NR3C2: variants seen among roughly 807,000 people sequenced by gnomAD.
The protein encoded by NR3C2 is mineralocorticoid receptor.
Under a neutral mutation model 86.4 loss-of-function variants are expected in NR3C2, and 15 were observed. The ratio of observed to expected loss-of-function variants is 0.17; its 90% confidence interval spans 0.12 to 0.27. The LOEUF (loss-of-function observed/expected upper bound fraction) is 0.27. Ranked by LOEUF, NR3C2 falls within the 10% of genes least tolerant of loss-of-function variation. The pLI is 1.00. For missense variants in NR3C2, 960 were observed against 1,195.6 expected (o/e 0.80, Z 2.91); for synonymous variants, 458 against 450.5 (o/e 1.02, Z -0.21).
In NR3C2 at chr4:148,436,005, A is replaced by G. The variant is rs758611444; in HGVS notation, c.856T>C (p.Ser286Pro). The G allele has an allele frequency of 1.4e-5, 23 of 1,614,016 alleles. 1 individual carries two copies. In the South Asian group the frequency reaches 2.5e-4, roughly 18 times the overall value. ...CTCAGAGTGACATTATTGGGACTGG[A>G]GACTGGAGATTTTACACTGCAGTGA... ...PSHCSVKSPV[S>P]SPNNVTLRSS... Residue 286 changes from serine (S) to proline (P), a missense_variant, in exon 2 of 9, where the codon TCC becomes CCC. Ser to Pro is a moderately conservative substitution (Grantham distance 74, BLOSUM62 -1). This residue lies in a region of NR3C2 where 680 missense variants were observed against 719.0 expected (regional missense o/e 0.95). Coordinates refer to ENST00000358102, the MANE Select transcript of NR3C2 (RefSeq NM_000901.5).
At chr4:148,108,769 T>TAACTAACTAACTAAC (rs1731918025) in intron 8 of NR3C2, among the ~76,000 whole-genome samples, 1 of 152,194 alleles carries the variant, frequency 6.6e-6, no homozygotes, top group Admixed American at 6.5e-5. Context: ...TCAGCTCATG[T>TAACTAACTAACTAAC]TGAGGCCAAC....
intron 6 of NR3C2, among the ~76,000 whole-genome samples, chr4:148,144,270 T>G (rs1235695635): frequency 1.3e-5 from 2 of 152,140 alleles, no homozygotes; most frequent in African/African-American, 4.8e-5. Context: ...AGTGGTGCAA[T>G]CATGGCTCAC....
At chr4:148,126,582 T>C (rs1732757919) in intron 6 of NR3C2, among the ~76,000 whole-genome samples, 1 of 152,248 alleles carries the variant, frequency 6.6e-6, no homozygotes, top group Non-Finnish European at 1.5e-5. Context: ...TGTTATCAGA[T>C]GTGTTAACAA....
intron 3 of NR3C2, among the ~76,000 whole-genome samples, chr4:148,195,936 G>C (rs1293983517): frequency 6.6e-6 from 1 of 152,236 alleles, no homozygotes; most frequent in East Asian, 1.9e-4. Context: ...GAAGCCACTA[G>C]ACTAGAGGGC....
At chr4:148,243,502 G>A (rs968484371) in intron 3 of NR3C2, among the ~76,000 whole-genome samples, 1 of 152,082 alleles carries the variant, frequency 6.6e-6, no homozygotes, top group Non-Finnish European at 1.5e-5. Flanking sequence ...ATATGCTTTC[G>A]AGTTCCATTT....
intron 8 of NR3C2, among the ~76,000 whole-genome samples, chr4:148,099,406 G>A (rs1044193637): frequency 3.3e-5 from 5 of 152,180 alleles, no homozygotes; most frequent in Admixed American, 3.3e-4. Context: ...GGAGCCACCT[G>A]ATGGCTCCCT....
At chr4:148,418,866 CA>C (rs1406722078) in intron 2 of NR3C2, among the ~76,000 whole-genome samples, 1 of 152,164 alleles carries the variant, frequency 6.6e-6, no homozygotes, top group Non-Finnish European at 1.5e-5. Flanking sequence ...ATATGATGAG[CA>C]AGTGGAAGTA....
intron 8 of NR3C2, among the ~76,000 whole-genome samples, chr4:148,092,755 C>T (rs1731114838): frequency 6.6e-6 from 1 of 152,212 alleles, no homozygotes; most frequent in Non-Finnish European, 1.5e-5. Flanking sequence ...TTTAACATGA[C>T]TCCATCCGCG....
intron 4 of NR3C2, 76 bp from the exon 5 acceptor site, chr4:148,154,977 A>G (rs1463896410): frequency 3.4e-6 from 4 of 1,181,164 alleles, no homozygotes; most frequent in African/African-American, 3.0e-5. Flanking sequence ...GTTAAAGTAC[A>G]GTTTTCCTCT....
rs1414703445 is a variant in NR3C2 at position 148,079,567 on chromosome 4, C to G, written c.*1777G>C. On this transcript the variant is annotated 3_prime_UTR_variant, in exon 9 of 9. Coordinates refer to ENST00000358102, the MANE Select transcript of NR3C2 (RefSeq NM_000901.5). ...CATTTTTAAAAGATTAATTTGGCCT[C>G]TATTCAAAGTAGTTTATTTAGTGCA... The G allele has an allele frequency of 1.3e-5, 2 of 152,544 alleles. No individual in the cohort carries two copies. Among genetic ancestry groups the G allele is most frequent in the Non-Finnish European group, 1.5e-5 (1 of 68,022 alleles). The allele number at this position is 152,544 out of a possible 1,614,324, so 9.4% of individuals were successfully genotyped here.
intron 2 of NR3C2, among the ~76,000 whole-genome samples, chr4:148,281,142 T>C (rs962493448): frequency 1.3e-5 from 2 of 152,202 alleles, no homozygotes; most frequent in African/African-American, 4.8e-5. Flanking sequence ...CTCTCTGCTT[T>C]TTCTTTATCC....
chr4:148,150,952 T>C (rs1320281313), intron 6 of NR3C2, among the ~76,000 whole-genome samples: 2 of 152,152 alleles, frequency 1.3e-5, no homozygotes, highest in East Asian at 1.9e-4. Flanking sequence ...ATATTAAATA[T>C]ATAGAATAGG....
At chr4:148,155,475 A>C (rs1337583516) in intron 4 of NR3C2, among the ~76,000 whole-genome samples, 1 of 152,158 alleles carries the variant, frequency 6.6e-6, no homozygotes, top group African/African-American at 2.4e-5. Flanking sequence ...AATAACAGAC[A>C]AACAGAGAGC....
chr4:148,082,331 G>A (rs1174477383), intron 8 of NR3C2, among the ~76,000 whole-genome samples: 1 of 152,232 alleles, frequency 6.6e-6, no homozygotes, highest in African/African-American at 2.4e-5. Flanking sequence ...CAATGCACAA[G>A]GTGGGTGATT....
chr4:148,281,057 A>T (rs927501729), intron 2 of NR3C2, among the ~76,000 whole-genome samples: 11 of 152,186 alleles, frequency 7.2e-5, no homozygotes, highest in African/African-American at 2.4e-4. Flanking sequence ...TGAGAATTCC[A>T]CTTAGTGTCT....
At chr4:148,153,236 A>AG (rs1734187384) in intron 5 of NR3C2, among the ~76,000 whole-genome samples, 1 of 55,572 alleles carries the variant, frequency 1.8e-5, no homozygotes, top group South Asian at 4.3e-4. Context: ...CCCAGGCTGG[A>AG]GTTCAGTGAC....
chr4:148,243,391 AC>A (rs1739159350), intron 3 of NR3C2, among the ~76,000 whole-genome samples: 2 of 152,058 alleles, frequency 1.3e-5, no homozygotes, highest in South Asian at 4.1e-4. Context: ...CTCCACAAAG[AC>A]CACTAATATG....
rs1467270862 is a variant in NR3C2 at position 148,124,658 on chromosome 4, G to A, written c.2511-4370C>T. Among the ~76,000 whole-genome samples the A allele has an allele frequency of 3.9e-5, 6 of 152,190 alleles. No individual in the cohort carries two copies. In the East Asian group the frequency reaches 1.2e-3, roughly 29 times the overall value. The stretch of plus-strand genomic sequence containing the variant: ...CAGTTCTAAAATGTTTTTAGCCATT[G>A]TCCCTTCAAATATCACCCCATCCTG... On this transcript the variant is annotated intron_variant, in intron 6 of 8. Coordinates refer to ENST00000358102, the MANE Select transcript of NR3C2 (RefSeq NM_000901.5).
intron 2 of NR3C2, among the ~76,000 whole-genome samples, chr4:148,427,165 G>A (rs191054533): frequency 6.6e-6 from 1 of 152,018 alleles, no homozygotes; most frequent in East Asian, 1.9e-4. Context: ...ATGTTGGCCA[G>A]GCTGGTCTCA....
Sources: allele counts gnomAD v4.1 joint callset (sites outside exome capture counted in the v4.1 genomes callset), GRCh38; gene constraint gnomAD v4.1.1; regional missense constraint gnomAD v4.1.1; transcripts MANE v1.5; gene names NCBI Gene and HGNC (gene_info 2026-07-23, HGNC 2026-07-21).